The following PKIB variants were observed in gnomAD, a reference collection of about 807,000 sequenced individuals.
The protein encoded by PKIB is PKI-beta.
PKIB carries 2 observed loss-of-function variants against 4.5 expected under a neutral mutation model. The ratio of observed to expected loss-of-function variants is 0.44; its 90% CI spans 0.18 to 1.39. The LOEUF is 1.39. PKIB is among the 40% of genes most tolerant of loss of function. The pLI is 0.27. For synonymous variants in PKIB, 38 were observed against 36.0 expected (o/e 1.06, Z -0.20); for missense variants, 94 against 92.6 (o/e 1.02, Z -0.06).
intron 2 of PKIB, among the ~76,000 whole-genome samples, chr6:122,521,843 A>C (rs1383484567): frequency 6.6e-6 from 1 of 152,148 alleles, no homozygotes; most frequent in Non-Finnish European, 1.5e-5. Flanking sequence ...TTCTTTGGCA[A>C]CTTCTTGTGC....
intron 2 of PKIB, among the ~76,000 whole-genome samples, chr6:122,555,995 T>C (rs1222319297): frequency 6.6e-6 from 1 of 152,184 alleles, no homozygotes; most frequent in Non-Finnish European, 1.5e-5. Flanking sequence ...AAGGATGATA[T>C]GGTCTGGTTC....
At chr6:122,613,341 A>G (rs761305947) in intron 1 of PKIB, among the ~76,000 whole-genome samples, 4 of 152,192 alleles carry the variant, frequency 2.6e-5, no homozygotes, top group African/African-American at 4.8e-5. Flanking sequence ...GTCTTGTGAT[A>G]AGCATTGTTA....
At chr6:122,563,538 C>T (rs1403530080) in intron 2 of PKIB, among the ~76,000 whole-genome samples, 1 of 151,894 alleles carries the variant, frequency 6.6e-6, no homozygotes, top group South Asian at 2.1e-4. Context: ...AGATTAATAC[C>T]CTTTGTCTTC....
chr6:122,689,901 C>G (rs372475776), intron 3 of PKIB, among the ~76,000 whole-genome samples: 1 of 152,038 alleles, frequency 6.6e-6, no homozygotes, highest in African/African-American at 2.4e-5. Context: ...CTCTCTCCAG[C>G]TCTAATAATA....
At chr6:122,624,667 C>G (rs1775364620) in intron 1 of PKIB, among the ~76,000 whole-genome samples, 1 of 151,938 alleles carries the variant, frequency 6.6e-6, no homozygotes, top group Admixed American at 6.6e-5. Context: ...ATCAAAAGTC[C>G]AAGAATATTG....
chr6:122,566,469 A>G (rs9388098), intron 2 of PKIB, among the ~76,000 whole-genome samples: 68,529 of 151,996 alleles, frequency 0.45, 15,736 homozygotes, highest in East Asian at 0.55. Flanking sequence ...AACAGATATT[A>G]TTAAAATATT....
At chr6:122,710,485 T>A (rs964484838) in intron 3 of PKIB, among the ~76,000 whole-genome samples, 6 of 152,144 alleles carry the variant, frequency 3.9e-5, no homozygotes, top group Admixed American at 6.6e-5. Context: ...CCCTTTGAAA[T>A]CTAAGAATAC....
At chr6:122,605,747 C>A (rs990937096), upstream of PKIB, among the ~76,000 whole-genome samples, 3 of 152,138 alleles carry the variant, frequency 2.0e-5, no homozygotes, top group Non-Finnish European at 4.4e-5. Flanking sequence ...AGGTACATGA[C>A]TTCTCAGTGG....
chr6:122,518,992 G>T (rs1776849286), intron 2 of PKIB, among the ~76,000 whole-genome samples: 1 of 152,162 alleles, frequency 6.6e-6, no homozygotes, highest in South Asian at 2.1e-4. Flanking sequence ...AGAAGAAAAT[G>T]CTATAATACA....
chr6:122,668,670 G>T (rs994363376), intron 2 of PKIB, among the ~76,000 whole-genome samples: 11 of 152,328 alleles, frequency 7.2e-5, no homozygotes, highest in Middle Eastern at 3.4e-3. Context: ...TGGGGAAGAA[G>T]AACCGTTGGA....
At chr6:122,603,766 C>T (rs183338686) in intron 3 of PKIB, among the ~76,000 whole-genome samples, 4 of 152,322 alleles carry the variant, frequency 2.6e-5, no homozygotes, top group African/African-American at 4.8e-5. Flanking sequence ...CAGGCATGAA[C>T]GACCACTCCT....
At chr6:122,581,294 A>G (rs995736632) in intron 2 of PKIB, among the ~76,000 whole-genome samples, 2 of 152,158 alleles carry the variant, frequency 1.3e-5, no homozygotes, top group Admixed American at 1.3e-4. Flanking sequence ...GTTGGTTTCA[A>G]TGTAGAGAAT....
intron 2 of PKIB, among the ~76,000 whole-genome samples, chr6:122,524,265 C>T (rs1777032648): frequency 6.8e-6 from 1 of 148,020 alleles, no homozygotes; most frequent in South Asian, 2.2e-4. Context: ...TCCTCTTCCT[C>T]CTCCTCCTTC....
At chr6:122,575,484 C>A (rs11154087) in intron 2 of PKIB, among the ~76,000 whole-genome samples, 29,549 of 151,670 alleles carry the variant, frequency 0.19, 3,096 homozygotes, top group African/African-American at 0.26. Flanking sequence ...TAAAGCAGCA[C>A]AATTTGCAAT....
At chr6:122,576,689 A>AATATATATAT (rs1334771841) in intron 2 of PKIB, among the ~76,000 whole-genome samples, 72 of 34,294 alleles carry the variant, frequency 2.1e-3, no homozygotes, top group Non-Finnish European at 2.3e-3. Flanking sequence ...AAAAAAAAAA[A>AATATATATAT]ATATATATAT....
intron 2 of PKIB, among the ~76,000 whole-genome samples, chr6:122,649,174 A>G (rs1562284635): frequency 6.6e-6 from 1 of 152,040 alleles, no homozygotes; most frequent in Non-Finnish European, 1.5e-5. Flanking sequence ...CTTGTCACCA[A>G]TTTTTCAGTC....
intron 2 of PKIB, among the ~76,000 whole-genome samples, chr6:122,664,614 G>T (rs1777143893): frequency 1.3e-5 from 2 of 152,026 alleles, no homozygotes; most frequent in Non-Finnish European, 1.5e-5. Flanking sequence ...GTCTCACTAT[G>T]TTGCAGGATG....
At chr6:122,499,976 G>A (rs1353933083) in intron 2 of PKIB, among the ~76,000 whole-genome samples, 1 of 152,038 alleles carries the variant, frequency 6.6e-6, no homozygotes, top group Non-Finnish European at 1.5e-5. Flanking sequence ...AAATACCTAA[G>A]AATACATCTA....
At chr6:122,613,959 C>CGAAA (rs1774875514) in intron 1 of PKIB, among the ~76,000 whole-genome samples, 1 of 77,402 alleles carries the variant, frequency 1.3e-5, no homozygotes, top group East Asian at 3.6e-4. Context: ...GAGACTCCAT[C>CGAAA]AAAAAAAAAA....
Sources: gnomAD v4.1 joint callset for allele counts (sites outside exome capture counted in the v4.1 genomes callset) on GRCh38, gnomAD v4.1.1 for gene constraint, MANE v1.5 for transcripts, NCBI Gene and HGNC (gene_info 2026-07-23, HGNC 2026-07-21) for gene names.